The following C10orf90 variants were observed in gnomAD, a reference collection of about 807,000 sequenced individuals.
C10orf90 encodes (E2-independent) E3 ubiquitin-conjugating enzyme FATS.
C10orf90 carries 56 observed loss-of-function variants against 62.5 expected under a neutral mutation model. That is an observed-to-expected ratio of 0.90 (90% CI 0.72 to 1.12). The LOEUF is 1.12. Ranked by LOEUF, C10orf90 falls within the 50% of genes most tolerant of loss-of-function variation. The pLI is 0.00. For missense variants in C10orf90, 970 were observed against 880.4 expected (o/e 1.10, Z -1.29); for synonymous variants, 386 against 340.4 (o/e 1.13, Z -1.47).
chr10:126,483,938 T>C (rs1861291853), intron 4 of C10orf90, among the ~76,000 whole-genome samples: 2 of 152,146 alleles, frequency 1.3e-5, no homozygotes, highest in South Asian at 4.1e-4. Context: ...CACTTACCCA[T>C]CCCACTCATT....
chr10:126,561,222 GA>G (rs1417872143), intron 2 of C10orf90, among the ~76,000 whole-genome samples: 2 of 152,190 alleles, frequency 1.3e-5, no homozygotes, highest in African/African-American at 4.8e-5. Context: ...AGTACACCAA[GA>G]ATATAATTCA....
chr10:126,439,307 G>T (rs1400062257), intron 7 of C10orf90, among the ~76,000 whole-genome samples: 1 of 152,134 alleles, frequency 6.6e-6, no homozygotes, highest in East Asian at 1.9e-4. Flanking sequence ...ACCCAAAAAG[G>T]ATGACTTTTT....
chr10:126,592,017 A>T (rs1013337680), intron 2 of C10orf90, among the ~76,000 whole-genome samples: 2 of 152,168 alleles, frequency 1.3e-5, no homozygotes, highest in Non-Finnish European at 2.9e-5. Context: ...CTCAAGGAAA[A>T]CTACAATCCC....
At chr10:126,500,867 C>A (rs932046405) in intron 4 of C10orf90, among the ~76,000 whole-genome samples, 3 of 152,154 alleles carry the variant, frequency 2.0e-5, no homozygotes, top group African/African-American at 7.2e-5. Flanking sequence ...AACTTTCTGT[C>A]CAACGACCTA....
At chr10:126,518,208 C>T (rs1863547552) in intron 2 of C10orf90, among the ~76,000 whole-genome samples, 1 of 152,178 alleles carries the variant, frequency 6.6e-6, no homozygotes, top group African/African-American at 2.4e-5. Context: ...CCCAGACCAG[C>T]AGCATCCACA....
rs531225566 is a variant in C10orf90 at position 126,459,301 on chromosome 10, G to A, written c.2011-84C>T. On this transcript the variant is annotated intron_variant, in intron 6 of 9. Transcript: ENST00000488181. ...ATCTGTCTGATGCAGCCAAGAAGCCGATGGCAAGCACAACACTCAGAGACC... is the reference window on the plus strand; with the variant it reads ...ATCTGTCTGATGCAGCCAAGAAGCCAATGGCAAGCACAACACTCAGAGACC... 6.6e-5 allele frequency: 100 copies of A among 1,512,796 alleles called. No homozygotes were observed. In the African/African-American group the frequency reaches 9.9e-4, roughly 15 times the overall value. The allele number at this position is 1,512,796 out of a possible 1,614,324, so 93.7% of individuals were successfully genotyped here.
chr10:126,643,199 T>A (rs1846100177), intron 2 of C10orf90, among the ~76,000 whole-genome samples: 1 of 152,226 alleles, frequency 6.6e-6, no homozygotes, highest in Non-Finnish European at 1.5e-5. Context: ...TTTGGCTTAA[T>A]GCCATTGAAA....
At chr10:126,506,409 A>T (rs1862734312) in intron 3 of C10orf90, among the ~76,000 whole-genome samples, 2 of 152,276 alleles carry the variant, frequency 1.3e-5, no homozygotes, top group African/African-American at 4.8e-5. Flanking sequence ...ATCCTTGCAT[A>T]GAGCTGCACA....
intron 7 of C10orf90, among the ~76,000 whole-genome samples, chr10:126,458,070 G>T (rs544080860): frequency 3.3e-5 from 5 of 152,074 alleles, no homozygotes; most frequent in African/African-American, 4.8e-5. Context: ...GCAGAGTTCT[G>T]GTGGAGAGAA....
chr10:126,475,946 G>A (rs1860832175), intron 4 of C10orf90, among the ~76,000 whole-genome samples: 1 of 152,118 alleles, frequency 6.6e-6, no homozygotes. Flanking sequence ...GGGATCCATG[G>A]TTTTGGTGCT....
intron 8 of C10orf90, 64 bp from the exon 9 acceptor site, chr10:126,426,154 C>T: frequency 1.5e-6 from 2 of 1,318,318 alleles, no homozygotes; most frequent in Admixed American, 1.7e-5. Flanking sequence ...TGTGGGGCTG[C>T]ATCCTGTCTT....
At chr10:126,658,955 G>T in intron 1 of C10orf90, among the ~76,000 whole-genome samples, 1 of 152,206 alleles carries the variant, frequency 6.6e-6, no homozygotes, top group East Asian at 1.9e-4. Context: ...CCAGATTGCA[G>T]AGGCTGAACC....
chr10:126,649,532 C>T (rs1221181632), intron 1 of C10orf90, among the ~76,000 whole-genome samples: 1 of 152,188 alleles, frequency 6.6e-6, no homozygotes. Flanking sequence ...ACACATCTTC[C>T]TGGTCCTTCT....
chr10:126,600,807 G>T (rs1845184750), intron 2 of C10orf90, among the ~76,000 whole-genome samples: 1 of 152,064 alleles, frequency 6.6e-6, no homozygotes, highest in South Asian at 2.1e-4. Flanking sequence ...TTAATTGAGG[G>T]ACACTGAGGA....
chr10:126,577,415 A>AT (rs1249690888), intron 2 of C10orf90, among the ~76,000 whole-genome samples: 1 of 152,056 alleles, frequency 6.6e-6, no homozygotes, highest in African/African-American at 2.4e-5. Flanking sequence ...GAAAACAAAA[A>AT]AAAAATCTTA....
intron 2 of C10orf90, among the ~76,000 whole-genome samples, chr10:126,634,851 T>C (rs1388595274): frequency 2.0e-5 from 3 of 152,206 alleles, no homozygotes; most frequent in African/African-American, 7.2e-5. Context: ...TGACTCTCAA[T>C]CTTGTCTCCT....
At chr10:126,549,068 G>A (rs564725256) in intron 2 of C10orf90, among the ~76,000 whole-genome samples, 4 of 152,222 alleles carry the variant, frequency 2.6e-5, no homozygotes, top group African/African-American at 9.6e-5. Context: ...ATAGAAGAAC[G>A]ATTAAAGGAA....
At chr10:126,471,303 C>T (rs985236741) in intron 4 of C10orf90, among the ~76,000 whole-genome samples, 4 of 152,142 alleles carry the variant, frequency 2.6e-5, no homozygotes, top group South Asian at 2.1e-4. Context: ...ATGGAGGGGG[C>T]CTTTCCTCGC....
chr10:126,656,821 A>G (rs1010696516), intron 1 of C10orf90, among the ~76,000 whole-genome samples: 1 of 152,228 alleles, frequency 6.6e-6, no homozygotes, highest in Admixed American at 6.5e-5. Flanking sequence ...TCAAAAACGT[A>G]TGAGTAATCA....
Sources: allele counts gnomAD v4.1 joint callset (sites outside exome capture counted in the v4.1 genomes callset), GRCh38; gene constraint gnomAD v4.1.1; transcripts MANE v1.5; gene names NCBI Gene and HGNC (gene_info 2026-07-23, HGNC 2026-07-21).